Variants in CNKSR2 observed in about 807,000 individuals in gnomAD.
CNKSR2 encodes the protein CNK homolog protein 2.
CNKSR2 carries 14 observed loss-of-function variants against 84.4 expected under a neutral mutation model. The observed-to-expected ratio is 0.17, with a 90% CI of 0.11 to 0.26. CNKSR2 has a LOEUF of 0.26. Among genes scored for constraint, CNKSR2 ranks in the 10% least tolerant of loss-of-function variants. The pLI, the probability that CNKSR2 is intolerant of heterozygous loss-of-function variation, is 1.00. For synonymous variants in CNKSR2, 275 were observed against 277.9 expected (o/e 0.99, Z 0.10); for missense variants, 485 against 771.2 (o/e 0.63, Z 4.40).
chrX:21,644,073 C>G (rs1334222325), intron 20 of CNKSR2: 1 of 111,704 alleles, frequency 9.0e-6, no homozygotes, highest in African/African-American at 3.3e-5. Flanking sequence ...GTTCTCAATG[C>G]AAATGTTAGT....
intron 8 of CNKSR2, among the ~76,000 whole-genome samples, chrX:21,512,351 T>C (rs2091681471): frequency 9.0e-6 from 1 of 111,584 alleles, no homozygotes; most frequent in Non-Finnish European, 1.9e-5. Flanking sequence ...CTCAGCATTC[T>C]TTTAACAAGG....
chrX:21,554,145 C>G (rs1376478725), intron 11 of CNKSR2, among the ~76,000 whole-genome samples: 6 of 111,743 alleles, frequency 5.4e-5, no homozygotes, highest in Non-Finnish European at 1.1e-4. Flanking sequence ...GGAATACTTA[C>G]AAAAGGTAAT....
intron 12 of CNKSR2, 136 bp downstream of exon 12, chrX:21,561,696 A>G (rs541867435): frequency 4.1e-4 from 194 of 473,236 alleles, no homozygotes; most frequent in Middle Eastern, 3.0e-3. Flanking sequence ...AAAACCAAGT[A>G]AGACCAACAT....
At chrX:21,431,627 G>A (rs1319173310) in intron 2 of CNKSR2, among the ~76,000 whole-genome samples, 1 of 111,343 alleles carries the variant, frequency 9.0e-6, no homozygotes, top group African/African-American at 3.3e-5. Context: ...TTTTAATCAA[G>A]GTTATCCTTG....
chrX:21,649,666 A>G (rs1022467798), intron 21 of CNKSR2, among the ~76,000 whole-genome samples: 1 of 111,885 alleles, frequency 8.9e-6, no homozygotes, highest in African/African-American at 3.3e-5. Flanking sequence ...AGAGGCAGAA[A>G]GTTGGAAAAG....
chrX:21,397,843 T>A (rs1007207713), intron 1 of CNKSR2, among the ~76,000 whole-genome samples: 6 of 111,785 alleles, frequency 5.4e-5, no homozygotes, highest in Non-Finnish European at 1.1e-4. Context: ...TATCGAAATA[T>A]CACTCTGTAG....
At chrX:21,544,374 C>T (rs1427334294) in intron 11 of CNKSR2, among the ~76,000 whole-genome samples, 2 of 111,519 alleles carry the variant, frequency 1.8e-5, no homozygotes, top group African/African-American at 3.3e-5. Flanking sequence ...GTTATAATCT[C>T]TCAGCGTCAG....
chrX:21,567,795 G>GGTTGT (rs1165907858), intron 13 of CNKSR2, among the ~76,000 whole-genome samples: 20 of 90,137 alleles, frequency 2.2e-4, no homozygotes, highest in African/African-American at 7.3e-4. Context: ...GTTTTTGTGT[G>GGTTGT]GTGTGTGTGT....
intron 5 of CNKSR2, among the ~76,000 whole-genome samples, chrX:21,489,457 A>G (rs2091420790): frequency 9.0e-6 from 1 of 111,371 alleles, no homozygotes; most frequent in Non-Finnish European, 1.9e-5. Context: ...AGCAAAAAAA[A>G]AAGTTTCAAA....
At chrX:21,628,045 A>G (rs754808709) in intron 20 of CNKSR2, among the ~76,000 whole-genome samples, 1 of 111,854 alleles carries the variant, frequency 8.9e-6, no homozygotes. Context: ...GGGTACAGGC[A>G]TTGGATAAAT....
In CNKSR2 at chrX:21,499,590, A is replaced by T. The variant is rs193192997; in HGVS notation, c.741+1744A>T. Among the ~76,000 whole-genome samples, 663 of 111,247 alleles carry T rather than the reference A, an allele frequency of 6.0e-3. 1 individual carries two copies. The highest frequency in any genetic ancestry group is 9.2e-3 in the Non-Finnish European group (485 of 52,757). On this transcript the variant is annotated intron_variant, in intron 7 of 21. Transcript: ENST00000379510. Reference sequence around the variant, plus strand: ...GATCAAAAGAGAGATTGAGTCTGGGAGTAGTTCAGATATGAACCATATATT... The same window carrying T: ...GATCAAAAGAGAGATTGAGTCTGGGTGTAGTTCAGATATGAACCATATATT...
At chrX:21,595,986 C>G (rs1055890668) in intron 17 of CNKSR2, among the ~76,000 whole-genome samples, 1 of 111,614 alleles carries the variant, frequency 9.0e-6, no homozygotes, top group East Asian at 2.8e-4. Context: ...TTCTTCCTTT[C>G]TCTTTCCTTT....
At chrX:21,587,660 C>T (rs1287709481) in intron 13 of CNKSR2, among the ~76,000 whole-genome samples, 1 of 112,079 alleles carries the variant, frequency 8.9e-6, no homozygotes, top group Admixed American at 9.4e-5. Context: ...AAAGATGATA[C>T]AGGATGATAA....
intron 15 of CNKSR2, 43 bp from the exon 16 acceptor site, chrX:21,594,931 A>T: frequency 2.0e-6 from 2 of 993,972 alleles, no homozygotes; most frequent in Non-Finnish European, 1.4e-6. Flanking sequence ...TTACCTTCAC[A>T]CCTTTGTATA....
chrX:21,592,974 C>CT (rs1211678998), intron 15 of CNKSR2: 1 of 108,331 alleles, frequency 9.2e-6, no homozygotes, highest in Admixed American at 1.0e-4. Flanking sequence ...ACTGTGGCCC[C>CT]TTTTTGTTGA....
At position 21,653,096 on chromosome X, in the gene CNKSR2, C is replaced by T. The variant is rs992659519; in HGVS notation, c.*575C>T. 9 of 111,664 alleles carry T rather than the reference C, an allele frequency of 8.1e-5. No individual in the cohort carries two copies. Among genetic ancestry groups the T allele is most frequent in the African/African-American group, 2.9e-4 (9 of 30,797 alleles). The allele number at this position is 111,664 out of a possible 1,213,427, so 9.2% of individuals were successfully genotyped here. On this transcript the variant is annotated 3_prime_UTR_variant, in exon 22 of 22. Coordinates refer to ENST00000379510, the MANE Select transcript of CNKSR2 (RefSeq NM_014927.5). ...AAGAAAAGTTCAGGTATCTAATATT[C>T]GTCTTAATAGTCTATTAACTTGTGA...
intron 1 of CNKSR2, among the ~76,000 whole-genome samples, chrX:21,416,713 T>G (rs2090427315): frequency 9.0e-6 from 1 of 111,679 alleles, no homozygotes; most frequent in Non-Finnish European, 1.9e-5. Flanking sequence ...TTCCAGTTTA[T>G]CAGCATGTAG....
At chrX:21,492,762 G>T (rs1406804531) in intron 6 of CNKSR2, 2 of 111,654 alleles carry the variant, frequency 1.8e-5, no homozygotes, top group African/African-American at 6.5e-5. Context: ...TTTGTGATTC[G>T]TATCAAAGGG....
In CNKSR2 at chrX:21,591,206, C is replaced by T. The variant is rs772080886; in HGVS notation, c.1830+12C>T. On this transcript the variant is annotated intron_variant, in intron 15 of 21. Coordinates refer to ENST00000379510, the MANE Select transcript of CNKSR2 (RefSeq NM_014927.5). ...ATATTAATGAGGAGGTAAGATAAAG[C>T]ACCTTTTGTTTTCTCATCCATTCTC... 3 of 1,135,857 alleles carry T rather than the reference C, an allele frequency of 2.6e-6. No individual in the cohort carries two copies. The South Asian group carries it at 6.3e-5, about 24-fold the overall frequency. The allele number at this position is 1,135,857 out of a possible 1,213,427, so 93.6% of individuals were successfully genotyped here.
Sources: allele counts gnomAD v4.1 joint callset (sites outside exome capture counted in the v4.1 genomes callset), GRCh38; gene constraint gnomAD v4.1.1; transcripts MANE v1.5; gene names NCBI Gene and HGNC (gene_info 2026-07-23, HGNC 2026-07-21).